Variants in AGBL1 observed in about 807,000 individuals in gnomAD.
AGBL1 encodes the protein cytosolic carboxypeptidase 4.
A neutral mutation model predicts 118.9 loss-of-function variants in AGBL1; 130 were observed. The observed-to-expected ratio is 1.09, with a 90% CI of 0.95 to 1.26. The LOEUF (loss-of-function observed/expected upper bound fraction) is 1.26, where lower values mean the gene tolerates loss of function less well. Ranked by LOEUF, AGBL1 falls within the 50% of genes most tolerant of loss-of-function variation. The pLI is 0.00. For missense variants in AGBL1, 1,584 were observed against 1,298.1 expected (o/e 1.22, Z -3.38); for synonymous variants, 555 against 478.9 (o/e 1.16, Z -2.08).
intron 22 of AGBL1, among the ~76,000 whole-genome samples, chr15:86,710,013 G>T (rs147809423): frequency 1.3e-5 from 2 of 152,262 alleles, no homozygotes; most frequent in South Asian, 2.1e-4. Context: ...TGCATAGCTG[G>T]TTCTAACACA....
intron 24 of AGBL1, among the ~76,000 whole-genome samples, chr15:87,023,857 A>C (rs2081695469): frequency 6.6e-6 from 1 of 152,084 alleles, no homozygotes; most frequent in Non-Finnish European, 1.5e-5. Context: ...AAATACATGG[A>C]TATTAAATAA....
At chr15:87,023,225 C>T (rs1182690379) in intron 24 of AGBL1, among the ~76,000 whole-genome samples, 1 of 151,892 alleles carries the variant, frequency 6.6e-6, no homozygotes, top group Non-Finnish European at 1.5e-5. Flanking sequence ...TATCTGCTGC[C>T]CTCAAGATAC....
In AGBL1 at chr15:86,143,848, A is replaced by T; in HGVS notation, c.262+3A>T. The stretch of plus-strand genomic sequence containing the variant: ...GCTGGCCAAAGTTGGCCTAAGAGGT[A>T]CTCGTACTCCAAGACCTAAAGCTGA... On this transcript the variant is annotated splice_donor_region_variant and intron_variant, in intron 3 of 22. Coordinates refer to ENST00000614907, the MANE Select transcript of AGBL1 (RefSeq NM_001386094.1). The T allele has an allele frequency of 1.2e-6, 2 of 1,613,428 alleles. No individual in the cohort carries two copies. Among genetic ancestry groups the T allele is most frequent in the Non-Finnish European group, 1.7e-6 (2 of 1,179,578 alleles).
rs1252544489 is a variant in AGBL1, at chr15:86,132,540, G to T, written c.52-9464G>T. Among the ~76,000 whole-genome samples the T allele has an allele frequency of 3.3e-5, 5 of 152,190 alleles. No individual in the cohort carries two copies. The East Asian group carries it at 7.7e-4, about 23-fold the overall frequency. ...TTTCAGAAATCCTTAATTCTAACCT[G>T]CAAGTTTTGTGCTATAATTTGTCAA... On this transcript the variant is annotated intron_variant, in intron 1 of 22. Transcript: ENST00000614907.
intron 23 of AGBL1, among the ~76,000 whole-genome samples, chr15:86,976,039 A>G (rs2081173438): frequency 6.6e-6 from 1 of 152,104 alleles, no homozygotes; most frequent in South Asian, 2.1e-4. Flanking sequence ...ATATACTTTA[A>G]AATTATTATG....
Position 86,634,809 on chromosome 15 carries a change from G to A in AGBL1, c.2995-39464G>A, listed in dbSNP as rs142449685. 9.9e-5 allele frequency among the ~76,000 whole-genome samples: 15 copies of A among 152,258 alleles called. No individual in the cohort carries two copies. The East Asian group carries it at 2.9e-3, about 29-fold the overall frequency. On this transcript the variant is annotated intron_variant, in intron 21 of 22. Coordinates refer to ENST00000614907, the MANE Select transcript of AGBL1 (RefSeq NM_001386094.1). Reference sequence around the variant, plus strand: ...TTGATGAAGCTAATATAACTGAAAAGACTCTGGCAATAAAAATGTTCCGTT... The same window carrying A: ...TTGATGAAGCTAATATAACTGAAAAAACTCTGGCAATAAAAATGTTCCGTT...
chr15:86,571,287 C>G (rs1345077285), intron 21 of AGBL1, among the ~76,000 whole-genome samples: 1 of 152,150 alleles, frequency 6.6e-6, no homozygotes, highest in African/African-American at 2.4e-5. Flanking sequence ...ATGTTTCAAC[C>G]CTGTTTGTGT....
At chr15:86,382,277 C>CTT (rs1487494655) in intron 17 of AGBL1, among the ~76,000 whole-genome samples, 8 of 152,290 alleles carry the variant, frequency 5.3e-5, no homozygotes, top group African/African-American at 1.7e-4. Context: ...CAGAAGTAAA[C>CTT]TTTGAAACGA....
chr15:86,952,162 C>G (rs1286082432), intron 23 of AGBL1, among the ~76,000 whole-genome samples: 1 of 151,096 alleles, frequency 6.6e-6, no homozygotes, highest in Admixed American at 6.6e-5. Flanking sequence ...AAGCAGCAGA[C>G]AGAGTTTGCA....
In AGBL1 at chr15:86,188,969, T is replaced by A. The variant is rs368456041; in HGVS notation, c.488+29943T>A. Among the ~76,000 whole-genome samples the A allele has an allele frequency of 1.5e-3, 222 of 152,306 alleles. 3 individuals are homozygous for A. In the South Asian group the frequency reaches 0.044, roughly 30 times the overall value. On this transcript the variant is annotated intron_variant, in intron 5 of 22. Coordinates refer to ENST00000614907, the MANE Select transcript of AGBL1 (RefSeq NM_001386094.1). ...AGACATTAAGTATCCTAGAAAAGGATGAATTAACTGTACATGAATAGTTTT... is the reference window on the plus strand; with the variant it reads ...AGACATTAAGTATCCTAGAAAAGGAAGAATTAACTGTACATGAATAGTTTT...
At chr15:86,248,160 T>C (rs1322087300) in intron 7 of AGBL1, among the ~76,000 whole-genome samples, 1 of 152,064 alleles carries the variant, frequency 6.6e-6, no homozygotes, top group Non-Finnish European at 1.5e-5. Flanking sequence ...TTATTAAAAA[T>C]ACAAAAATTA....
chr15:86,477,179 A>C (rs1395972059), intron 18 of AGBL1, among the ~76,000 whole-genome samples: 1 of 152,120 alleles, frequency 6.6e-6, no homozygotes, highest in Non-Finnish European at 1.5e-5. Flanking sequence ...GAACTAGAGA[A>C]GCAAGAGCAA....
intron 24 of AGBL1, among the ~76,000 whole-genome samples, chr15:87,002,575 G>A (rs28775281): frequency 0.02 from 3,104 of 152,150 alleles, 95 homozygotes; most frequent in African/African-American, 0.069. Flanking sequence ...GGGCAGTATG[G>A]CCATTTTCAC....
At chr15:86,134,664 A>G (rs2076864634) in intron 1 of AGBL1, among the ~76,000 whole-genome samples, 1 of 121,458 alleles carries the variant, frequency 8.2e-6, no homozygotes, top group Admixed American at 1.2e-4. Context: ...CCCAGGCTGG[A>G]GTGCAGTGGC....
At chr15:86,960,565 C>CA (rs1021559262) in intron 23 of AGBL1, among the ~76,000 whole-genome samples, 12 of 151,950 alleles carry the variant, frequency 7.9e-5, no homozygotes, top group African/African-American at 2.9e-4. Flanking sequence ...AGAGATTCAA[C>CA]AAAAAATTAA....
chr15:86,875,786 G>C (rs2079798362), intron 22 of AGBL1, among the ~76,000 whole-genome samples: 1 of 152,204 alleles, frequency 6.6e-6, no homozygotes, highest in African/African-American at 2.4e-5. Flanking sequence ...TACGAATGGG[G>C]TAGAGATCTG....
intron 18 of AGBL1, among the ~76,000 whole-genome samples, chr15:86,450,611 T>C (rs992987418): frequency 4.6e-5 from 7 of 152,202 alleles, no homozygotes; most frequent in African/African-American, 1.7e-4. Flanking sequence ...TTTTGACTAC[T>C]ACTATTTAAG....
chr15:86,137,950 C>G (rs982895739), intron 1 of AGBL1, among the ~76,000 whole-genome samples: 12 of 152,146 alleles, frequency 7.9e-5, no homozygotes, highest in Admixed American at 1.3e-4. Context: ...AGTTCTATAT[C>G]CCTGTTGGCA....
At chr15:86,420,323 C>G (rs1032492125) in intron 18 of AGBL1, among the ~76,000 whole-genome samples, 3 of 152,230 alleles carry the variant, frequency 2.0e-5, no homozygotes, top group African/African-American at 7.2e-5. Flanking sequence ...CCTAGGCAAA[C>G]AGCATCTGGA....
Sources: allele counts gnomAD v4.1 joint callset (sites outside exome capture counted in the v4.1 genomes callset), GRCh38; gene constraint gnomAD v4.1.1; transcripts MANE v1.5; gene names NCBI Gene and HGNC (gene_info 2026-07-23, HGNC 2026-07-21).